ZNF575: variants seen among roughly 807,000 people sequenced by gnomAD.
ZNF575 encodes zinc finger protein 575.
A neutral mutation model predicts 17.5 loss-of-function variants in ZNF575; 17 were observed. That is an observed-to-expected ratio of 0.97 (90% confidence interval 0.66 to 1.45). ZNF575 has a LOEUF of 1.45. Ranked by LOEUF, ZNF575 falls within the 40% of genes most tolerant of loss-of-function variation. The pLI is 0.00. For missense variants in ZNF575, 352 were observed against 359.2 expected (o/e 0.98, Z 0.16); for synonymous variants, 146 against 158.3 (o/e 0.92, Z 0.58).
At position 43,536,071 on chromosome 19, in the gene ZNF575, A is replaced by G; in HGVS notation, c.*384A>G. 1 of 233,184 alleles carries G rather than the reference A, an allele frequency of 4.3e-6. No individual in the cohort carries two copies. 14.4% of individuals were successfully genotyped at this position (233,184 alleles called of 1,614,324 possible). The stretch of plus-strand genomic sequence containing the variant: ...ACGGTATCTAAGAAATTGAAAATAC[A>G]TACATGCTTGTCTCAACTCTTCCAC... On this transcript the variant is annotated 3_prime_UTR_variant, in exon 4 of 4. Coordinates refer to ENST00000314228, the MANE Select transcript of ZNF575 (RefSeq NM_174945.3).
At chr19:43,531,669 A>G, upstream of ZNF575, 1 of 451,154 alleles carries the variant, frequency 2.2e-6, no homozygotes, top group East Asian at 3.5e-5. Context: ...AAGCAAATCA[A>G]GTGTAATAAA....
At chr19:43,533,944 CA>C (rs1972377881) in intron 2 of ZNF575, 42 bp downstream of exon 2, 1 of 160,782 alleles carries the variant, frequency 6.2e-6, no homozygotes, top group African/African-American at 2.4e-5. Flanking sequence ...CCACTGTGCC[CA>C]TAGGCCCCTC....
chr19:43,534,187 G>A, intron 2 of ZNF575, 150 bp from the exon 3 acceptor site: 1 of 535,596 alleles, frequency 1.9e-6, no homozygotes, highest in Non-Finnish European at 3.3e-6. Context: ...CCAACCCTGG[G>A]TTTAGATAGC....
upstream of ZNF575, among the ~76,000 whole-genome samples, chr19:43,531,004 C>A (rs1343787154): frequency 6.6e-6 from 1 of 151,884 alleles, no homozygotes; most frequent in African/African-American, 2.4e-5. Flanking sequence ...AGAGGTTGGG[C>A]GCGGTGGCTC....
At chr19:43,531,941 A>ATTTTTTTTTTTTTTT (rs1972349585), upstream of ZNF575, 1 of 172,258 alleles carries the variant, frequency 5.8e-6, no homozygotes. Flanking sequence ...ATTAAGCCAG[A>ATTTTTTTTTTTTTTT]CTTTTTTTTT....
At position 43,535,617 on chromosome 19, in the gene ZNF575, G is replaced by A; in HGVS notation, c.668G>A (p.Gly223Asp). 2 of 1,613,648 alleles carry A rather than the reference G, an allele frequency of 1.2e-6. No homozygotes were observed. ...TGCTCCAGCTGCGGCCAGGCCTTTG[G>A]CCAGAGACGCTTACTGCTCCTTCAT... ...HRCSSCGQAF[G>D]QRRLLLLHQR... The change falls in exon 4 of 4, where the codon GGC becomes GAC. Residue 223 changes from glycine to aspartate, a missense_variant. By Grantham distance (94) the Gly-to-Asp change is moderately conservative. Coordinates refer to ENST00000314228, the MANE Select transcript of ZNF575 (RefSeq NM_174945.3).
rs1972394902 is a variant in ZNF575, at chr19:43,535,092, GCTCGCCTCCCCGGC to G, written c.150_163del (p.Pro51AlafsTer14). 1 of 1,497,652 alleles carries G rather than the reference GCTCGCCTCCCCGGC, an allele frequency of 6.7e-7. No individual in the cohort carries two copies. Among genetic ancestry groups the G allele is most frequent in the African/African-American group, 1.5e-5 (1 of 68,768 alleles). 92.8% of individuals were successfully genotyped at this position (1,497,652 alleles called of 1,614,324 possible). ...GCTCCAGGGCCCACCGCGTCCGCGGGCTCGCCTCCCCGGCCTCGCCGGCGGCCCCCGCCCCAGCG... is the reference window on the plus strand; with the variant it reads ...GCTCCAGGGCCCACCGCGTCCGCGGGCTCGCCGGCGGCCCCCGCCCCAGCG... On this transcript the variant is annotated frameshift_variant, in exon 4 of 4. Transcript: ENST00000314228. LOFTEE classifies it high-confidence loss of function.
Position 43,535,026 on chromosome 19 carries a change from C to T in ZNF575, c.80-3C>T. The T allele has an allele frequency of 6.9e-7, 1 of 1,442,260 alleles. No individual in the cohort carries two copies. Among genetic ancestry groups the T allele is most frequent in the East Asian group, 2.8e-5 (1 of 36,072 alleles). The allele number at this position is 1,442,260 out of a possible 1,614,324, so 89.3% of individuals were successfully genotyped here. A position where few individuals can be genotyped will look rare whatever the true frequency, so the allele number is the denominator to read the frequency against. ...GGAGCCCACCAGCCCTCCTGTCCCC[C>T]AGCTCCCCACCAGGGCCCACCGCAG... On this transcript the variant is annotated splice_region_variant and splice_polypyrimidine_tract_variant and intron_variant, in intron 3 of 3. Coordinates refer to ENST00000314228, the MANE Select transcript of ZNF575 (RefSeq NM_174945.3).
chr19:43,532,225 C>T (rs1349855658), upstream of ZNF575, among the ~76,000 whole-genome samples: 3 of 151,932 alleles, frequency 2.0e-5, no homozygotes, highest in African/African-American at 7.3e-5. Context: ...GACGGGTTTT[C>T]ACCATGTTGG....
Position 43,535,555 on chromosome 19 carries a change from A to C in ZNF575, c.606A>C (p.Pro202=), listed in dbSNP as rs758063066. The C allele has an allele frequency of 3.7e-5, 59 of 1,613,550 alleles. No individual in the cohort carries two copies. In the Admixed American group the frequency reaches 9.7e-4, roughly 26 times the overall value. ...CCCATCGCCTATGTCACGACCCCCC[A>C]ACCGCGCCCGGCAGCCAGGCGACTG... ...LAAHRLCHDP[P]TAPGSQATAW... Residue 202 remains proline (P), a synonymous_variant, in exon 4 of 4, where the codon CCA becomes CCC. Transcript: ENST00000314228.
In ZNF575 at chr19:43,534,949, T is replaced by C. The variant is rs1972392872; in HGVS notation, c.80-80T>C. Reference sequence around the variant, plus strand: ...GGTACACTTGGAGGAGCCCCACGAATATCAAAGTCGTGGCGGAGCCTGGCC... The same window carrying C: ...GGTACACTTGGAGGAGCCCCACGAACATCAAAGTCGTGGCGGAGCCTGGCC... On this transcript the variant is annotated intron_variant, in intron 3 of 3. Coordinates refer to ENST00000314228, the MANE Select transcript of ZNF575 (RefSeq NM_174945.3). The C allele has an allele frequency of 3.8e-6, 5 of 1,298,748 alleles. No individual in the cohort carries two copies. The South Asian group carries it at 7.1e-5, about 19-fold the overall frequency. The allele number at this position is 1,298,748 out of a possible 1,614,324, so 80.5% of individuals were successfully genotyped here. A position where few individuals can be genotyped will look rare whatever the true frequency, so the allele number is the denominator to read the frequency against.
chr19:43,533,173 TTC>T (rs1972363644), upstream of ZNF575: 3 of 152,170 alleles, frequency 2.0e-5, no homozygotes, highest in Admixed American at 2.0e-4. Context: ...GCGGTGCACT[TTC>T]TGTCGATACG....
chr19:43,534,581 G>A (rs766209084), intron 3 of ZNF575, 80 bp downstream of exon 3: 257 of 1,343,688 alleles, frequency 1.9e-4, no homozygotes, highest in Non-Finnish European at 2.5e-4. Context: ...GGAATCTCAG[G>A]GTGAAAATTT....
chr19:43,531,896 C>T (rs528979541), upstream of ZNF575: 1 of 603,364 alleles, frequency 1.7e-6, no homozygotes, highest in Admixed American at 2.6e-5. Context: ...TCCCCACTCC[C>T]TACCCCCGTG....
Position 43,535,263 on chromosome 19 carries a change from A to G in ZNF575, c.314A>G (p.Lys105Arg). 6.2e-7 allele frequency: 1 copy of G among 1,612,078 alleles called. No individual in the cohort carries two copies. Among genetic ancestry groups the G allele is most frequent in the Non-Finnish European group, 8.5e-7 (1 of 1,179,364 alleles). Residue 105 changes from lysine (K) to arginine (R), a missense_variant, in exon 4 of 4, where the codon AAG becomes AGG. Lys to Arg is a conservative substitution (Grantham distance 26). Coordinates refer to ENST00000314228, the MANE Select transcript of ZNF575 (RefSeq NM_174945.3). ...DCPKAFSYPS[K>R]LAAHRLTHSG... is the part of the protein sequence containing the mutation. ...CCCAAGGCCTTCTCCTACCCCTCCAAGCTGGCAGCCCACCGCCTCACGCAC... is the reference window on the plus strand; with the variant it reads ...CCCAAGGCCTTCTCCTACCCCTCCAGGCTGGCAGCCCACCGCCTCACGCAC...
intron 1 of ZNF575, 75 bp from the exon 2 acceptor site, chr19:43,533,720 G>C (rs1047397786): frequency 6.6e-6 from 1 of 151,896 alleles, no homozygotes; most frequent in Non-Finnish European, 1.5e-5. Context: ...TTTACGCTTG[G>C]GACTCTGAGG....
Position 43,535,632 on chromosome 19 carries a change from T to G in ZNF575, c.683T>G (p.Leu228Arg). 8 of 1,613,502 alleles carry G rather than the reference T, an allele frequency of 5.0e-6. No individual in the cohort carries two copies. Among genetic ancestry groups the G allele is most frequent in the Non-Finnish European group, 6.8e-6 (8 of 1,179,888 alleles). ...CGQAFGQRRL[L>R]LLHQRSHHQV... is the part of the protein sequence containing the mutation. The stretch of plus-strand genomic sequence containing the variant: ...CAGGCCTTTGGCCAGAGACGCTTAC[T>G]GCTCCTTCATCAACGCAGCCACCAC... Residue 228 changes from leucine (L) to arginine (R), a missense_variant, in exon 4 of 4, where the codon CTG becomes CGG. Physicochemically the swap from Leu to Arg is moderately radical, Grantham distance 102. Transcript: ENST00000314228.
At chr19:43,531,610 T>G (rs183865650), upstream of ZNF575, among the ~76,000 whole-genome samples, 287 of 152,048 alleles carry the variant, frequency 1.9e-3, 1 homozygote, top group African/African-American at 4.7e-3. Flanking sequence ...GAGACCGAAG[T>G]GTCACTTCAA....
chr19:43,531,787 A>T, upstream of ZNF575: 2 of 671,128 alleles, frequency 3.0e-6, no homozygotes, highest in Non-Finnish European at 5.4e-6. Context: ...AATTATTTTA[A>T]AAACTTTTTT....
Sources: allele counts gnomAD v4.1 joint callset (sites outside exome capture counted in the v4.1 genomes callset), GRCh38; gene constraint gnomAD v4.1.1; transcripts MANE v1.5; gene names NCBI Gene and HGNC (gene_info 2026-07-23, HGNC 2026-07-21).